The following TRAF3IP1 variants were observed in gnomAD, a reference collection of about 807,000 sequenced individuals.
The protein encoded by TRAF3IP1 is intraflagellar transport 54.
Under a neutral mutation model 89.9 loss-of-function variants are expected in TRAF3IP1, and 53 were observed. The observed-to-expected ratio is 0.59, with a 90% CI of 0.47 to 0.74. The LOEUF (loss-of-function observed/expected upper bound fraction) is 0.74. Among genes scored for constraint, TRAF3IP1 ranks in the 30% least tolerant of loss-of-function variants. TRAF3IP1 has a pLI of 0.00. For missense variants in TRAF3IP1, 806 were observed against 866.1 expected, an observed-to-expected ratio of 0.93 and a Z score of 0.87; for synonymous variants, 311 against 322.1, an observed-to-expected ratio of 0.97 and a Z score of 0.37.
At chr2:238,378,891 T>G (rs1045238651) in intron 15 of TRAF3IP1, among the ~76,000 whole-genome samples, 1 of 152,150 alleles carries the variant, frequency 6.6e-6, no homozygotes, top group Non-Finnish European at 1.5e-5. Flanking sequence ...GCGGTCAGTC[T>G]TTGCTGACCA....
intron 15 of TRAF3IP1, among the ~76,000 whole-genome samples, chr2:238,382,467 A>G (rs533205770): frequency 6.6e-6 from 1 of 152,372 alleles, no homozygotes; most frequent in East Asian, 1.9e-4. Flanking sequence ...TGTAAAGGAA[A>G]CATTGCAACA....
chr2:238,341,417 A>G (rs997085658), intron 8 of TRAF3IP1, among the ~76,000 whole-genome samples: 5 of 152,132 alleles, frequency 3.3e-5, no homozygotes, highest in African/African-American at 9.7e-5. Flanking sequence ...TTTAAAAAAA[A>G]GTACATTTTC....
chr2:238,388,815 A>G (rs1278710796), intron 15 of TRAF3IP1, among the ~76,000 whole-genome samples: 3 of 151,752 alleles, frequency 2.0e-5, no homozygotes, highest in Non-Finnish European at 4.4e-5. Flanking sequence ...ATAATTTTTT[A>G]TAGAGATGGA....
intron 1 of TRAF3IP1, 105 bp from the exon 2 acceptor site, chr2:238,325,201 G>T: frequency 1.8e-6 from 2 of 1,100,370 alleles, no homozygotes; most frequent in Non-Finnish European, 1.4e-6. Context: ...TCAAATCTGG[G>T]CTGCTAGTCA....
rs578012230 is a variant in TRAF3IP1, at chr2:238,395,574, C to T, written c.1690-1885C>T. 2.0e-5 allele frequency among the ~76,000 whole-genome samples: 3 copies of T among 152,300 alleles called. No homozygotes were observed. In the South Asian group the frequency reaches 6.2e-4, roughly 32 times the overall value. ...AAGAGCTTCTGCACAGCAAAAGAAA[C>T]TACCATCAGGGTGAACAGGCAACCT... On this transcript the variant is annotated intron_variant, in intron 15 of 16. Coordinates refer to ENST00000373327, the MANE Select transcript of TRAF3IP1 (RefSeq NM_015650.4).
intron 15 of TRAF3IP1, among the ~76,000 whole-genome samples, chr2:238,371,967 T>C (rs920309598): frequency 6.6e-6 from 1 of 152,192 alleles, no homozygotes; most frequent in African/African-American, 2.4e-5. Context: ...GCATATAGAA[T>C]TGAGTATAAC....
At chr2:238,356,391 G>C (rs1421498783) in intron 15 of TRAF3IP1, among the ~76,000 whole-genome samples, 1 of 152,168 alleles carries the variant, frequency 6.6e-6, no homozygotes, top group Non-Finnish European at 1.5e-5. Flanking sequence ...CAGCTACTTG[G>C]GGGGCTGAGG....
intron 15 of TRAF3IP1, among the ~76,000 whole-genome samples, chr2:238,377,771 T>A (rs913600609): frequency 3.3e-5 from 5 of 152,228 alleles, no homozygotes; most frequent in Admixed American, 3.3e-4. Context: ...GATTGGAATG[T>A]ATTTCTTGAC....
chr2:238,334,070 G>T, intron 7 of TRAF3IP1, 35 bp downstream of exon 7: 1 of 1,433,562 alleles, frequency 7.0e-7, no homozygotes, highest in Non-Finnish European at 9.4e-7. Flanking sequence ...CTGAAAATAT[G>T]GATATTAGTT....
chr2:238,363,817 G>A (rs576121500), intron 15 of TRAF3IP1, among the ~76,000 whole-genome samples: 7 of 152,144 alleles, frequency 4.6e-5, no homozygotes, highest in East Asian at 1.9e-4. Context: ...GAAATTAGCC[G>A]GACATGGTGG....
intron 15 of TRAF3IP1, among the ~76,000 whole-genome samples, chr2:238,383,398 CTTTGGAAACTACCTA>C (rs1700629508): frequency 6.6e-6 from 1 of 152,194 alleles, no homozygotes; most frequent in Non-Finnish European, 1.5e-5. Flanking sequence ...CAGCATAGGC[CTTTGGAAACTACCTA>C]TTAATGAACA....
chr2:238,365,774 G>A lies in TRAF3IP1; in HGVS notation c.1689+9694G>A, dbSNP rs1699848758. 3.3e-5 allele frequency among the ~76,000 whole-genome samples: 5 copies of A among 152,078 alleles called. No homozygotes were observed. The South Asian group carries it at 1.0e-3, about 32-fold the overall frequency. On this transcript the variant is annotated intron_variant, in intron 15 of 16. Coordinates refer to ENST00000373327, the MANE Select transcript of TRAF3IP1 (RefSeq NM_015650.4). ...TACTGAAATTGATTCTAATCATGAAGGGTTATATGGTGGGGTTTTTTGTTT... is the reference window on the plus strand; with the variant it reads ...TACTGAAATTGATTCTAATCATGAAAGGTTATATGGTGGGGTTTTTTGTTT...
rs183848890 is a variant in TRAF3IP1, at chr2:238,374,130, C to T, written c.1689+18050C>T. On this transcript the variant is annotated intron_variant, in intron 15 of 16. Transcript: ENST00000373327. ...AATTGAATACCCTTTATTTCTTTCT[C>T]TTGCCTGATTGCCCTGGCCGGAACT... 7.0e-3 allele frequency among the ~76,000 whole-genome samples: 1,070 copies of T among 152,292 alleles called. 11 individuals carry two copies. Among genetic ancestry groups the T allele is most frequent in the African/African-American group, 0.024 (986 of 41,542 alleles).
chr2:238,365,305 G>T (rs1699827313), intron 15 of TRAF3IP1, among the ~76,000 whole-genome samples: 3 of 152,016 alleles, frequency 2.0e-5, no homozygotes, highest in Admixed American at 1.3e-4. Flanking sequence ...GGTATTTTTG[G>T]TCCTAGTATT....
At chr2:238,395,518 C>A (rs1701171408) in intron 15 of TRAF3IP1, among the ~76,000 whole-genome samples, 1 of 152,072 alleles carries the variant, frequency 6.6e-6, no homozygotes, top group Non-Finnish European at 1.5e-5. Context: ...CAACAAAAGC[C>A]AAAATTGACA....
chr2:238,325,417 C>G, intron 2 of TRAF3IP1, 43 bp downstream of exon 2: 4 of 1,602,492 alleles, frequency 2.5e-6, no homozygotes, highest in Non-Finnish European at 3.4e-6. Context: ...CTCGCCTTAA[C>G]GGATGGGATT....
intron 8 of TRAF3IP1, among the ~76,000 whole-genome samples, chr2:238,338,900 G>A (rs1459321866): frequency 2.0e-5 from 3 of 152,234 alleles, no homozygotes; most frequent in Admixed American, 6.5e-5. Flanking sequence ...ATTCAGTCCA[G>A]CCGTGTGGTG....
chr2:238,367,739 G>A (rs568669438), intron 15 of TRAF3IP1, among the ~76,000 whole-genome samples: 1 of 152,218 alleles, frequency 6.6e-6, no homozygotes, highest in Admixed American at 6.5e-5. Flanking sequence ...GCTTAGGAGA[G>A]TCTCAGTCCC....
intron 15 of TRAF3IP1, among the ~76,000 whole-genome samples, chr2:238,384,117 C>T (rs1700658657): frequency 1.3e-5 from 2 of 152,098 alleles, no homozygotes; most frequent in Admixed American, 6.6e-5. Context: ...CCCTCATGCT[C>T]CTCCATGTAG....
Sources: allele counts gnomAD v4.1 joint callset (sites outside exome capture counted in the v4.1 genomes callset), GRCh38; gene constraint gnomAD v4.1.1; transcripts MANE v1.5; gene names NCBI Gene and HGNC (gene_info 2026-07-23, HGNC 2026-07-21).